The following ZNF831 variants were observed in gnomAD, a reference collection of about 807,000 sequenced individuals.
ZNF831 encodes chromosome 20 open reading frame 174.
In ZNF831, 59 loss-of-function variants were observed where a neutral mutation model predicts 95.8. That is an observed-to-expected ratio of 0.62 (90% CI 0.50 to 0.77). ZNF831 has a LOEUF of 0.77. ZNF831 is among the 30% of genes least tolerant of loss of function. The pLI, the probability that ZNF831 is intolerant of heterozygous loss-of-function variation, is 0.00. For missense variants in ZNF831, 2,205 were observed against 2,164.0 expected, an observed-to-expected ratio of 1.02 and a Z score of -0.38; for synonymous variants, 961 against 925.5, an observed-to-expected ratio of 1.04 and a Z score of -0.70.
At chr20:59,198,604 C>T (rs775442768) in intron 3 of ZNF831, among the ~76,000 whole-genome samples, 6 of 152,332 alleles carry the variant, frequency 3.9e-5, no homozygotes, top group African/African-American at 1.2e-4. Context: ...CAAATCACGA[C>T]AAGAGCCCAT....
In ZNF831 at chr20:59,192,293, A is replaced by G. The variant is rs2146562952; in HGVS notation, c.1274A>G (p.Asp425Gly). Residue 425 changes from aspartate to glycine, a missense_variant, in exon 2 of 6, where the codon GAC becomes GGC. Transcript: ENST00000371030. The surrounding 1 kb of genome is among the most constrained non-coding windows in gnomAD (Gnocchi z 5.2). ...NQAVVDDAQL[D>G]NVRPRKTGLS... Reference sequence around the variant, plus strand: ...GCGGTGGTGGACGATGCCCAGCTGGACAACGTGCGGCCCCGGAAGACCGGG... The same window carrying G: ...GCGGTGGTGGACGATGCCCAGCTGGGCAACGTGCGGCCCCGGAAGACCGGG... 1.3e-6 allele frequency: 2 copies of G among 1,589,822 alleles called. No individual in the cohort carries two copies. The highest frequency in any genetic ancestry group is 1.7e-6 in the Non-Finnish European group (2 of 1,167,362).
At chr20:59,154,853 C>A (rs145840369) in intron 2 of ZNF831, among the ~76,000 whole-genome samples, 34 of 152,202 alleles carry the variant, frequency 2.2e-4, no homozygotes, top group Admixed American at 2.2e-3. Flanking sequence ...TCTTCATAGA[C>A]GGCCTCCTAC....
intron 1 of ZNF831, among the ~76,000 whole-genome samples, chr20:59,177,386 C>T (rs578185002): frequency 2.8e-4 from 42 of 152,166 alleles, no homozygotes; most frequent in Non-Finnish European, 4.9e-4. Flanking sequence ...TCCTCTGATT[C>T]AGTGTGTCAT....
At chr20:59,241,898 T>C (rs1987360388) in intron 4 of ZNF831, among the ~76,000 whole-genome samples, 1 of 152,214 alleles carries the variant, frequency 6.6e-6, no homozygotes, top group South Asian at 2.1e-4. Context: ...TACAATCGCC[T>C]AAGTACTCCA....
In ZNF831 at chr20:59,253,893, T is replaced by G. The variant is rs1428734381; in HGVS notation, c.4189-5T>G. 5 of 1,169,274 alleles carry G rather than the reference T, an allele frequency of 4.3e-6. No individual in the cohort carries two copies. The highest frequency in any genetic ancestry group is 5.9e-6 in the Non-Finnish European group (5 of 853,988). 72.4% of individuals were successfully genotyped at this position (1,169,274 alleles called of 1,614,324 possible). A position where few individuals can be genotyped will look rare whatever the true frequency, so the allele number is the denominator to read the frequency against. On this transcript the variant is annotated splice_polypyrimidine_tract_variant and splice_region_variant and intron_variant, in intron 5 of 5. Coordinates refer to ENST00000371030, the MANE Select transcript of ZNF831 (RefSeq NM_178457.3). ...ACTTTTTTTTTCCTTTGCACTTTGT[T>G]GCAGGATATTTCTCCATCTGCTGGT...
At chr20:59,180,000 C>T (rs763397970) in intron 1 of ZNF831, among the ~76,000 whole-genome samples, 4 of 152,130 alleles carry the variant, frequency 2.6e-5, no homozygotes, top group Non-Finnish European at 4.4e-5. Context: ...GTCCTCCCTC[C>T]TTGGAGCGTG....
At chr20:59,125,450 C>A (rs565234704) in intron 1 of ZNF831, among the ~76,000 whole-genome samples, 1 of 152,110 alleles carries the variant, frequency 6.6e-6, no homozygotes, top group Non-Finnish European at 1.5e-5. Context: ...CTCTCCCCAC[C>A]CCCCCGCAGC....
At chr20:59,133,795 C>T (rs1419543833) in intron 1 of ZNF831, among the ~76,000 whole-genome samples, 2 of 152,212 alleles carry the variant, frequency 1.3e-5, no homozygotes, top group Non-Finnish European at 2.9e-5. Flanking sequence ...AGGACGAGCC[C>T]TGGAGCAAGA....
intron 4 of ZNF831, among the ~76,000 whole-genome samples, chr20:59,229,100 C>T (rs941236803): frequency 1.3e-5 from 2 of 152,142 alleles, no homozygotes; most frequent in Non-Finnish European, 1.5e-5. Flanking sequence ...ACATAATGAC[C>T]TCCAGTTCTA....
At position 59,146,167 on chromosome 20, in the gene ZNF831, G is replaced by A. The variant is rs1243185621; in HGVS notation, c.-1424-64G>A. 11 of 107,110 alleles carry A rather than the reference G, an allele frequency of 1.0e-4. No homozygotes were observed. In the East Asian group the frequency reaches 2.0e-3, roughly 19 times the overall value. The allele number at this position is 107,110 out of a possible 1,614,324, so 6.6% of individuals were successfully genotyped here. ...CCGGTGTCCCTCTGCCACCCCCGCCGCCCCAGCAACCCCGACACCCACCAC... is the reference window on the plus strand; with the variant it reads ...CCGGTGTCCCTCTGCCACCCCCGCCACCCCAGCAACCCCGACACCCACCAC... On this transcript the variant is annotated intron_variant, in intron 1 of 7. Transcript: ENST00000637017.
chr20:59,233,039 C>T (rs879662374), intron 4 of ZNF831, among the ~76,000 whole-genome samples: 3,488 of 130,914 alleles, frequency 0.027, 57 homozygotes, highest in East Asian at 0.072. Context: ...CACACACACA[C>T]ACACATAGAG....
intron 4 of ZNF831, among the ~76,000 whole-genome samples, chr20:59,218,249 A>C (rs1268685516): frequency 6.6e-6 from 1 of 152,246 alleles, no homozygotes; most frequent in African/African-American, 2.4e-5. Context: ...GAGAAGGCTC[A>C]CAAAGCTGGG....
At chr20:59,211,723 C>T (rs1985343339) in intron 4 of ZNF831, among the ~76,000 whole-genome samples, 1 of 151,806 alleles carries the variant, frequency 6.6e-6, no homozygotes, top group African/African-American at 2.4e-5. Context: ...TCTCCTTTGA[C>T]CTGGCGCGTC....
rs1487488364 is a variant in ZNF831, at chr20:59,210,987, T to G, written c.4027+3931T>G. On this transcript the variant is annotated intron_variant, in intron 4 of 5. Coordinates refer to ENST00000371030, the MANE Select transcript of ZNF831 (RefSeq NM_178457.3). Reference sequence around the variant, plus strand: ...GGCGGAGCTTGCAGTGAGCCGAGATTGCGCCACTGCAGTCCGCAGTCCGGC... The same window carrying G: ...GGCGGAGCTTGCAGTGAGCCGAGATGGCGCCACTGCAGTCCGCAGTCCGGC... 1.9e-4 allele frequency among the ~76,000 whole-genome samples: 15 copies of G among 77,672 alleles called. 1 individual carries two copies. Among genetic ancestry groups the G allele is most frequent in the Admixed American group, 1.0e-3 (8 of 7,876 alleles). The allele number at this position is 77,672 out of a possible 152,430, so 51.0% of individuals were successfully genotyped here. A position where few individuals can be genotyped will look rare whatever the true frequency, so the allele number is the denominator to read the frequency against.
intron 1 of ZNF831, among the ~76,000 whole-genome samples, chr20:59,183,651 G>A (rs1982792720): frequency 6.6e-6 from 1 of 152,180 alleles, no homozygotes; most frequent in Non-Finnish European, 1.5e-5. Flanking sequence ...TTTATACCTT[G>A]CATTTCTTGG....
At chr20:59,249,569 T>G (rs1195249157) in intron 4 of ZNF831, among the ~76,000 whole-genome samples, 1 of 152,154 alleles carries the variant, frequency 6.6e-6, no homozygotes, top group East Asian at 1.9e-4. Flanking sequence ...AGGATGTGGT[T>G]GTTGAACAGG....
intron 1 of ZNF831, among the ~76,000 whole-genome samples, chr20:59,130,619 G>A (rs536446686): frequency 5.3e-5 from 8 of 152,338 alleles, no homozygotes; most frequent in African/African-American, 1.9e-4. Context: ...GGAAAGGCAA[G>A]GTGCTCTGTC....
chr20:59,243,600 C>T (rs920572756), intron 4 of ZNF831, among the ~76,000 whole-genome samples: 3 of 152,168 alleles, frequency 2.0e-5, no homozygotes, highest in Non-Finnish European at 4.4e-5. Context: ...CCTAGGACTC[C>T]CTCATCCACT....
chr20:59,138,861 A>G (rs915980418), intron 1 of ZNF831, among the ~76,000 whole-genome samples: 22 of 152,282 alleles, frequency 1.4e-4, no homozygotes, highest in Admixed American at 2.6e-4. Flanking sequence ...GCATGATCTA[A>G]CTGGCCCTGA....
Sources: gnomAD v4.1 joint callset for allele counts (sites outside exome capture counted in the v4.1 genomes callset) on GRCh38, gnomAD v4.1.1 for gene constraint, Gnocchi (gnomAD v3.1) non-coding constraint, MANE v1.5 for transcripts, NCBI Gene and HGNC (gene_info 2026-07-23, HGNC 2026-07-21) for gene names.